The following KIAA1958 variants were observed in gnomAD, a reference collection of about 807,000 sequenced individuals.
KIAA1958 encodes the protein KIAA1958.
In KIAA1958, 14 loss-of-function variants were observed where a neutral mutation model predicts 47.2. The observed-to-expected ratio is 0.30, with a 90% CI of 0.20 to 0.46. The LOEUF (loss-of-function observed/expected upper bound fraction) is 0.46, where lower values mean the gene tolerates loss of function less well. KIAA1958 is among the 20% of genes least tolerant of loss of function. The pLI is 1.00. For missense variants in KIAA1958, 803 were observed against 909.2 expected, an observed-to-expected ratio of 0.88 and a Z score of 1.50; for synonymous variants, 354 against 353.3, an observed-to-expected ratio of 1.00 and a Z score of -0.02.
Position 112,660,091 on chromosome 9 carries a change from C to T in KIAA1958, c.*22C>T, listed in dbSNP as rs1274515574. On this transcript the variant is annotated 3_prime_UTR_variant, in exon 4 of 4. Transcript: ENST00000337530. ...GTGAGCCCCCACTGGGGCCCGGCCA[C>T]TGCCCTGTCACCTGCTCGGGCCAGC... is the stretch of plus-strand genomic sequence containing the variant. 6.2e-7 allele frequency: 1 copy of T among 1,603,322 alleles called. No individual in the cohort carries two copies. Among genetic ancestry groups the T allele is most frequent in the Admixed American group, 1.7e-5 (1 of 59,844 alleles).
intron 1 of KIAA1958, among the ~76,000 whole-genome samples, chr9:112,527,167 A>G (rs1834672421): frequency 6.6e-6 from 1 of 152,232 alleles, no homozygotes; most frequent in Non-Finnish European, 1.5e-5. Flanking sequence ...TTTATAAAAC[A>G]TATTTACCAT....
intron 1 of KIAA1958, among the ~76,000 whole-genome samples, chr9:112,510,741 A>C (rs898127751): frequency 6.6e-6 from 1 of 152,156 alleles, no homozygotes; most frequent in Non-Finnish European, 1.5e-5. Flanking sequence ...AATGCCATGG[A>C]GAAAAGCAGT....
intron 1 of KIAA1958, among the ~76,000 whole-genome samples, chr9:112,536,894 G>A (rs1281130379): frequency 2.0e-5 from 3 of 152,202 alleles, no homozygotes; most frequent in South Asian, 4.2e-4. Flanking sequence ...GATTTAAGAA[G>A]CTAACATGCC....
In KIAA1958 at chr9:112,666,192, G is replaced by A. The variant is rs772289831; in HGVS notation, c.*6123G>A. 6.6e-6 allele frequency: 1 copy of A among 151,996 alleles called. No homozygotes were observed. Among genetic ancestry groups the A allele is most frequent in the Middle Eastern group, 3.2e-3 (1 of 316 alleles). The allele number at this position is 151,996 out of a possible 1,614,324, so 9.4% of individuals were successfully genotyped here. On this transcript the variant is annotated 3_prime_UTR_variant, in exon 4 of 4. Transcript: ENST00000337530. Reference sequence around the variant, plus strand: ...TCATCATGTTGGCCAGGCTGGTCTCGAACTCCGACCTCAGTGATCCACCTG... The same window carrying A: ...TCATCATGTTGGCCAGGCTGGTCTCAAACTCCGACCTCAGTGATCCACCTG...
rs1374499721 is a variant in KIAA1958, at chr9:112,515,913, AG to A, written c.-25+28796del. Among the ~76,000 whole-genome samples the A allele has an allele frequency of 1.9e-4, 28 of 147,582 alleles. No individual in the cohort carries two copies. In the East Asian group the frequency reaches 5.3e-3, roughly 28 times the overall value. ...ATAAATTAAAAAAAAAAAAAAAAAA[AG>A]ACTGAATGCTTTTCCTTAAGATCAA... On this transcript the variant is annotated intron_variant, in intron 1 of 3. Coordinates refer to ENST00000337530, the MANE Select transcript of KIAA1958 (RefSeq NM_133465.4).
At chr9:112,588,689 A>C (rs963879277) in intron 2 of KIAA1958, among the ~76,000 whole-genome samples, 3 of 152,082 alleles carry the variant, frequency 2.0e-5, no homozygotes, top group Non-Finnish European at 4.4e-5. Flanking sequence ...GTGTTCCTTC[A>C]CCATATTTGT....
intron 1 of KIAA1958, among the ~76,000 whole-genome samples, chr9:112,515,951 T>A (rs1281242057): frequency 6.8e-6 from 1 of 146,142 alleles, no homozygotes; most frequent in East Asian, 2.0e-4. Flanking sequence ...AACATTCAGC[T>A]TTGTGCTGGA....
chr9:112,538,181 T>G (rs779142212), intron 1 of KIAA1958, among the ~76,000 whole-genome samples: 3 of 151,606 alleles, frequency 2.0e-5, no homozygotes, highest in Non-Finnish European at 2.9e-5. Context: ...AAATAAAAAA[T>G]AAAAATAAAT....
chr9:112,550,186 G>A (rs1369953097), intron 1 of KIAA1958, among the ~76,000 whole-genome samples: 1 of 150,866 alleles, frequency 6.6e-6, no homozygotes, highest in African/African-American at 2.5e-5. Flanking sequence ...AGCCTTTGAT[G>A]GAGAGTTTGA....
chr9:112,665,352 A>G lies in KIAA1958; in HGVS notation c.*5283A>G, dbSNP rs550311215. 2.6e-5 allele frequency: 4 copies of G among 152,348 alleles called. No individual in the cohort carries two copies. The highest frequency in any genetic ancestry group is 5.9e-5 in the Non-Finnish European group (4 of 68,028). 9.4% of individuals were successfully genotyped at this position (152,348 alleles called of 1,614,324 possible). A position where few individuals can be genotyped will look rare whatever the true frequency, so the allele number is the denominator to read the frequency against. On this transcript the variant is annotated 3_prime_UTR_variant, in exon 4 of 4. Coordinates refer to ENST00000337530, the MANE Select transcript of KIAA1958 (RefSeq NM_133465.4). ...TTTCTCACAGCTGCCATATATTCTC[A>G]TGTAATCTTTACAACCGCTCTACAA...
intron 1 of KIAA1958, among the ~76,000 whole-genome samples, chr9:112,513,396 C>T (rs1260588653): frequency 2.0e-5 from 3 of 149,144 alleles, no homozygotes; most frequent in Non-Finnish European, 4.5e-5. Flanking sequence ...TGCAGAGGCT[C>T]AGGGGAGAGC....
intron 1 of KIAA1958, among the ~76,000 whole-genome samples, chr9:112,505,376 G>A (rs1262409109): frequency 6.6e-6 from 1 of 152,190 alleles, no homozygotes; most frequent in African/African-American, 2.4e-5. Context: ...ATAATACTAA[G>A]TATATAGCCC....
At position 112,498,275 on chromosome 9, in the gene KIAA1958, C is replaced by T. The variant is rs1834077406; in HGVS notation, c.-25+11157C>T. On this transcript the variant is annotated intron_variant, in intron 1 of 3. Coordinates refer to ENST00000337530, the MANE Select transcript of KIAA1958 (RefSeq NM_133465.4). ...TAGTGAAGATGTTCTTTAAACATAG[C>T]TTAAGGAAAGGTGGCGGTTCAGTTG... Among the ~76,000 whole-genome samples, 3 of 152,234 alleles carry T rather than the reference C, an allele frequency of 2.0e-5. No homozygotes were observed. The South Asian group carries it at 6.2e-4, about 32-fold the overall frequency.
At chr9:112,579,325 T>G (rs1301478600) in intron 2 of KIAA1958, among the ~76,000 whole-genome samples, 2 of 152,150 alleles carry the variant, frequency 1.3e-5, no homozygotes, top group East Asian at 3.8e-4. Flanking sequence ...TTCCATACAT[T>G]GGGATCACAT....
In KIAA1958 at chr9:112,618,976, C is replaced by T. The variant is rs1041039441; in HGVS notation, c.1172-26674C>T. ...TGTGTCCGGAGAAACTGTGATTATA[C>T]ACCGCTTCTCGTTCCCCTTCCTGTG... On this transcript the variant is annotated intron_variant, in intron 2 of 3. Coordinates refer to ENST00000337530, the MANE Select transcript of KIAA1958 (RefSeq NM_133465.4). This position sits in a 1 kb window ranked among gnomAD's most constrained non-coding sequence, Gnocchi z 7.1. 2.1e-6 allele frequency: 3 copies of T among 1,455,392 alleles called. No homozygotes were observed. Among genetic ancestry groups the T allele is most frequent in the Non-Finnish European group, 2.7e-6 (3 of 1,098,040 alleles). The allele number at this position is 1,455,392 out of a possible 1,614,324, so 90.2% of individuals were successfully genotyped here.
intron 1 of KIAA1958, among the ~76,000 whole-genome samples, chr9:112,538,402 C>T (rs984963523): frequency 6.6e-6 from 1 of 151,914 alleles, no homozygotes; most frequent in Non-Finnish European, 1.5e-5. Context: ...ACTAAATAAA[C>T]CTCTGGAGAA....
intron 2 of KIAA1958, chr9:112,581,902 A>C (rs988863862): frequency 2.2e-5 from 5 of 230,370 alleles, no homozygotes; most frequent in Admixed American, 2.0e-4. Context: ...ACCAGACTCA[A>C]CTCTTCCCTG....
At chr9:112,550,373 C>G (rs1835120656) in intron 1 of KIAA1958, among the ~76,000 whole-genome samples, 1 of 152,066 alleles carries the variant, frequency 6.6e-6, no homozygotes. Flanking sequence ...TTGAATGTGT[C>G]CCCTACAGAT....
intron 2 of KIAA1958, among the ~76,000 whole-genome samples, chr9:112,584,882 C>T (rs1486478784): frequency 6.6e-6 from 1 of 152,198 alleles, no homozygotes; most frequent in East Asian, 1.9e-4. Context: ...CCATGCTCCC[C>T]GCCCCGCCTT....
Sources: allele counts gnomAD v4.1 joint callset (sites outside exome capture counted in the v4.1 genomes callset), GRCh38; gene constraint gnomAD v4.1.1; non-coding constraint Gnocchi (gnomAD v3.1); transcripts MANE v1.5; gene names NCBI Gene and HGNC (gene_info 2026-07-23, HGNC 2026-07-21).